CFAP20DC: variants seen among roughly 807,000 people sequenced by gnomAD.
CFAP20DC encodes the protein protein CFAP20DC.
CFAP20DC carries 84 observed loss-of-function variants against 101.7 expected under a neutral mutation model. The observed-to-expected ratio is 0.83, with a 90% confidence interval of 0.69 to 0.99. The LOEUF (loss-of-function observed/expected upper bound fraction) is 0.99, where lower values mean the gene tolerates loss of function less well. Among genes scored for constraint, CFAP20DC ranks in the 50% least tolerant of loss-of-function variants. CFAP20DC has a pLI of 0.00. For missense variants in CFAP20DC, 1,007 were observed against 970.3 expected (o/e 1.04, Z -0.50); for synonymous variants, 359 against 351.2 (o/e 1.02, Z -0.25).
Position 58,721,449 on chromosome 3 carries a change from C to T in CFAP20DC, c.198-3821G>A, listed in dbSNP as rs2067472210. Among the ~76,000 whole-genome samples the T allele has an allele frequency of 6.6e-6, 1 of 152,068 alleles. No individual in the cohort carries two copies. The highest frequency in any genetic ancestry group is 1.5e-5 in the Non-Finnish European group (1 of 68,022). On this transcript the variant is annotated intron_variant, in intron 3 of 3. Transcript: ENST00000486145. This position sits in a 1 kb window ranked among gnomAD's most constrained non-coding sequence, Gnocchi z 5.2. ...TGAATATTTATTCCAGGAGTCTGAC[C>T]TAATGAAGAAGGTCAGGGAAGTTTT...
chr3:58,823,877 T>C (rs2075860035), intron 14 of CFAP20DC, among the ~76,000 whole-genome samples: 2 of 152,200 alleles, frequency 1.3e-5, no homozygotes, highest in African/African-American at 4.8e-5. Context: ...TGTCACTATG[T>C]ATTTACAATT....
chr3:58,791,228 T>C (rs1448094073), intron 15 of CFAP20DC, among the ~76,000 whole-genome samples: 1 of 152,154 alleles, frequency 6.6e-6, no homozygotes, highest in Non-Finnish European at 1.5e-5. Flanking sequence ...ATATTACTAT[T>C]AATATCCCTA....
chr3:58,762,627 T>A (rs1296308758), intron 15 of CFAP20DC, among the ~76,000 whole-genome samples: 1 of 152,244 alleles, frequency 6.6e-6, no homozygotes, highest in Non-Finnish European at 1.5e-5. Flanking sequence ...AGTTTCTTCC[T>A]AGCCTTGACG....
At chr3:58,979,434 T>A (rs1267564395) in intron 4 of CFAP20DC, among the ~76,000 whole-genome samples, 1 of 152,244 alleles carries the variant, frequency 6.6e-6, no homozygotes, top group Non-Finnish European at 1.5e-5. Flanking sequence ...TTACTAAGTT[T>A]TATTCATATT....
rs1405974492 is a variant in CFAP20DC, at chr3:58,799,747, G to GTA, written c.2237+6647_2237+6648insTA. Among the ~76,000 whole-genome samples the GTA allele has an allele frequency of 1.3e-5, 2 of 149,488 alleles. No homozygotes were observed. Among genetic ancestry groups the GTA allele is most frequent in the African/African-American group, 4.9e-5 (2 of 41,020 alleles). On this transcript the variant is annotated intron_variant, in intron 15 of 16. Coordinates refer to ENST00000482387, the MANE Select transcript of CFAP20DC (RefSeq NM_001394063.1). The surrounding 1 kb of genome is among the most constrained non-coding windows in gnomAD (Gnocchi z 4.9). The stretch of plus-strand genomic sequence containing the variant: ...TGTGTGTGTGTCTGTGTGTGTGTGT[G>GTA]TGTGTGTGTGTGTGTGTGTGTAGAA...
intron 4 of CFAP20DC, among the ~76,000 whole-genome samples, chr3:59,037,215 G>T (rs1168834948): frequency 2.0e-5 from 3 of 152,112 alleles, no homozygotes. Flanking sequence ...CAGGACATAG[G>T]CATGGGCAAA....
chr3:58,762,735 G>A lies in CFAP20DC; in HGVS notation c.2238-8872C>T, dbSNP rs1444094638. ...GGAGCTCTTTTAGGGCAGACCTGGT[G>A]GTGACAAAATCTCTCAGCATTTGCT... On this transcript the variant is annotated intron_variant, in intron 15 of 16. Transcript: ENST00000482387. Among the ~76,000 whole-genome samples the A allele has an allele frequency of 2.6e-5, 4 of 152,130 alleles. No individual in the cohort carries two copies. In the South Asian group the frequency reaches 6.2e-4, roughly 24 times the overall value.
rs956676717 is a variant in CFAP20DC, at chr3:59,015,003, A to G, written c.278+24554T>C. 6.6e-6 allele frequency among the ~76,000 whole-genome samples: 1 copy of G among 152,110 alleles called. No homozygotes were observed. Among genetic ancestry groups the G allele is most frequent in the Non-Finnish European group, 1.5e-5 (1 of 68,016 alleles). On this transcript the variant is annotated intron_variant, in intron 4 of 16. Coordinates refer to ENST00000482387, the MANE Select transcript of CFAP20DC (RefSeq NM_001394063.1). The surrounding 1 kb of genome is among the most constrained non-coding windows in gnomAD (Gnocchi z 5.4). Reference sequence around the variant, plus strand: ...AATACTCCATTACCACCCCAGAGACAAGTGTTAAACATTTACCAGTACAGA... The same window carrying G: ...AATACTCCATTACCACCCCAGAGACGAGTGTTAAACATTTACCAGTACAGA...
rs2067601137 is a variant in CFAP20DC at position 58,729,306 on chromosome 3, T to A, written c.198-11678A>T. Reference sequence around the variant, plus strand: ...CACAGAAAACTTGTACTTTTAAAATTAATTAGATTTTTATTAGATTTATTT... The same window carrying A: ...CACAGAAAACTTGTACTTTTAAAATAAATTAGATTTTTATTAGATTTATTT... On this transcript the variant is annotated intron_variant, in intron 3 of 3. Transcript: ENST00000486145. The surrounding 1 kb of genome is among the most constrained non-coding windows in gnomAD (Gnocchi z 4.4). 6.6e-6 allele frequency among the ~76,000 whole-genome samples: 1 copy of A among 152,088 alleles called. No homozygotes were observed. Among genetic ancestry groups the A allele is most frequent in the African/African-American group, 2.4e-5 (1 of 41,442 alleles).
At chr3:58,866,046 C>T (rs1433577996) in intron 11 of CFAP20DC, among the ~76,000 whole-genome samples, 1 of 152,212 alleles carries the variant, frequency 6.6e-6, no homozygotes, top group African/African-American at 2.4e-5. Flanking sequence ...TTTTTCCACA[C>T]AGTCAGATTT....
At chr3:58,827,179 G>T (rs959611851) in intron 14 of CFAP20DC, among the ~76,000 whole-genome samples, 3 of 151,888 alleles carry the variant, frequency 2.0e-5, no homozygotes, top group African/African-American at 7.3e-5. Flanking sequence ...CTGATAATAG[G>T]GTTCGTCTCA....
intron 6 of CFAP20DC, among the ~76,000 whole-genome samples, chr3:58,891,128 G>A (rs1435843880): frequency 1.3e-5 from 2 of 150,256 alleles, no homozygotes; most frequent in African/African-American, 4.9e-5. Context: ...ACTCCAGCCT[G>A]GGCACCATTG....
At chr3:59,017,669 A>G (rs2093718349) in intron 4 of CFAP20DC, 1 of 152,158 alleles carries the variant, frequency 6.6e-6, no homozygotes, top group East Asian at 1.9e-4. Flanking sequence ...ATTCCAGGTT[A>G]AACAGCTATT....
intron 3 of CFAP20DC, chr3:58,734,692 G>C: frequency 2.4e-6 from 1 of 416,462 alleles, no homozygotes; most frequent in Non-Finnish European, 4.8e-6. Context: ...TTGCCTTCCT[G>C]TCTCTTGGCC....
At chr3:58,978,898 T>C (rs950661634) in intron 4 of CFAP20DC, among the ~76,000 whole-genome samples, 4 of 152,116 alleles carry the variant, frequency 2.6e-5, no homozygotes, top group Non-Finnish European at 4.4e-5. Flanking sequence ...ATTTCTGCCT[T>C]TTCTTGGCTA....
At chr3:58,793,129 A>T (rs985532096) in intron 15 of CFAP20DC, among the ~76,000 whole-genome samples, 3 of 152,172 alleles carry the variant, frequency 2.0e-5, no homozygotes, top group Admixed American at 6.5e-5. Flanking sequence ...ATATTATACT[A>T]CCAGAGTGTT....
At chr3:58,943,080 C>A (rs891124732) in intron 4 of CFAP20DC, among the ~76,000 whole-genome samples, 1 of 152,224 alleles carries the variant, frequency 6.6e-6, no homozygotes, top group Non-Finnish European at 1.5e-5. Flanking sequence ...TCCAGTCAGG[C>A]ACTTATAGAT....
chr3:58,753,692 T>C, intron 16 of CFAP20DC, 77 bp downstream of exon 16: 1 of 981,874 alleles, frequency 1.0e-6, no homozygotes, highest in South Asian at 1.4e-5. Flanking sequence ...AACAGTGGCA[T>C]CTCAAAGTGA....
Position 58,914,055 on chromosome 3 carries a change from C to G in CFAP20DC, c.394-191G>C, listed in dbSNP as rs1347686778. Among the ~76,000 whole-genome samples, 1 of 152,140 alleles carries G rather than the reference C, an allele frequency of 6.6e-6. No individual in the cohort carries two copies. The highest frequency in any genetic ancestry group is 2.4e-5 in the African/African-American group (1 of 41,440). On this transcript the variant is annotated intron_variant, in intron 5 of 16. Transcript: ENST00000482387. The surrounding 1 kb of genome is among the most constrained non-coding windows in gnomAD (Gnocchi z 4.9). ...TGACTTGATCTTTCCAAAGAAATCA[C>G]CATAATTCTAAATTACACATTGGTC... is the stretch of plus-strand genomic sequence containing the variant.
Sources: gnomAD v4.1 joint callset for allele counts (sites outside exome capture counted in the v4.1 genomes callset) on GRCh38, gnomAD v4.1.1 for gene constraint, Gnocchi (gnomAD v3.1) non-coding constraint, MANE v1.5 for transcripts, NCBI Gene and HGNC (gene_info 2026-07-23, HGNC 2026-07-21) for gene names.